Variants in ABTB2 observed in about 807,000 individuals in gnomAD.
ABTB2 encodes ankyrin repeat and BTB domain containing 2, also known as ankyrin repeat and BTB/POZ domain-containing protein 2.
A neutral mutation model predicts 104.1 loss-of-function variants in ABTB2; 56 were observed. The observed-to-expected ratio is 0.54, with a 90% CI of 0.43 to 0.67. The LOEUF (loss-of-function observed/expected upper bound fraction) is 0.67. Among genes scored for constraint, ABTB2 ranks in the 30% least tolerant of loss-of-function variants. The probability of loss-of-function intolerance (pLI) is 0.00; values close to 1 mark genes in which losing one functional copy is unlikely to be tolerated. For missense variants in ABTB2, 1,279 were observed against 1,407.7 expected (o/e 0.91, Z 1.46); for synonymous variants, 606 against 608.2 (o/e 1.00, Z 0.05).
Position 34,152,471 on chromosome 11 carries a change from T to G in ABTB2, c.2994A>C (p.Lys998Asn), listed in dbSNP as rs756102220. Reference sequence around the variant, plus strand: ...CCTGCAGTGGATCCAGGCCCTGCACTTTGCTGCTGCGGCCGTAGATGAGCT... The same window carrying G: ...CCTGCAGTGGATCCAGGCCCTGCACGTTGCTGCTGCGGCCGTAGATGAGCT... ...FRQLIYGRSS[K>N]VQGLDPLQDL... Residue 998 changes from lysine (K) to asparagine (N), a missense_variant, in exon 17 of 17, where the codon AAA becomes AAC. Transcript: ENST00000435224. 1.0e-5 allele frequency: 16 copies of G among 1,604,948 alleles called. No homozygotes were observed. Among genetic ancestry groups the G allele is most frequent in the Middle Eastern group, 2.0e-4 (1 of 4,956 alleles).
At chr11:34,199,435 C>T (rs1167749777) in intron 2 of ABTB2, among the ~76,000 whole-genome samples, 1 of 152,206 alleles carries the variant, frequency 6.6e-6, no homozygotes, top group African/African-American at 2.4e-5. Context: ...ACCTGGTTTC[C>T]ATCCCTGTGA....
At chr11:34,273,313 A>C (rs1286471858) in intron 1 of ABTB2, among the ~76,000 whole-genome samples, 1 of 152,132 alleles carries the variant, frequency 6.6e-6, no homozygotes, top group African/African-American at 2.4e-5. Flanking sequence ...GAATAAACCC[A>C]TGTTACAATT....
At chr11:34,345,904 A>G (rs147326094) in intron 1 of ABTB2, among the ~76,000 whole-genome samples, 3 of 152,300 alleles carry the variant, frequency 2.0e-5, no homozygotes, top group African/African-American at 7.2e-5. Context: ...AGATTTCATC[A>G]ATTTTCAACT....
rs79718145 is a variant in ABTB2, at chr11:34,159,836, G to C, written c.2606+70C>G. On this transcript the variant is annotated intron_variant, in intron 13 of 16. Transcript: ENST00000435224. ...GTACAGCCCCAGCGAGTCACTCTCT[G>C]TCACCTGGAATCTGAAACAAGGTGC... is the stretch of plus-strand genomic sequence containing the variant. The C allele has an allele frequency of 0.082, 105,439 of 1,282,016 alleles. 4,843 individuals carry two copies. The highest frequency in any genetic ancestry group is 0.11 in the Middle Eastern group (482 of 4,354). 79.4% of individuals were successfully genotyped at this position (1,282,016 alleles called of 1,614,324 possible). A position where few individuals can be genotyped will look rare whatever the true frequency, so the allele number is the denominator to read the frequency against.
intron 1 of ABTB2, among the ~76,000 whole-genome samples, chr11:34,269,642 C>G (rs1398654735): frequency 1.3e-5 from 2 of 152,248 alleles, no homozygotes; most frequent in Admixed American, 6.5e-5. Context: ...CATGTGTGGA[C>G]AGAGAAATTT....
At chr11:34,186,037 C>T (rs1427781723) in intron 3 of ABTB2, among the ~76,000 whole-genome samples, 2 of 152,252 alleles carry the variant, frequency 1.3e-5, no homozygotes, top group East Asian at 3.8e-4. Context: ...GCATGAAATG[C>T]TCTGAGCCCT....
intron 4 of ABTB2, among the ~76,000 whole-genome samples, chr11:34,172,038 G>A (rs996438594): frequency 6.6e-6 from 1 of 151,988 alleles, no homozygotes; most frequent in Non-Finnish European, 1.5e-5. Flanking sequence ...TCCGTATGAA[G>A]ACAGAGGAGG....
intron 1 of ABTB2, among the ~76,000 whole-genome samples, chr11:34,271,971 A>G (rs1565155876): frequency 6.6e-6 from 1 of 152,154 alleles, no homozygotes. Context: ...ACACATGGAA[A>G]TCAACATTTA....
In ABTB2 at chr11:34,198,162, C is replaced by T. The variant is rs72910890; in HGVS notation, c.1031-624G>A. On this transcript the variant is annotated intron_variant, in intron 2 of 16. Coordinates refer to ENST00000435224, the MANE Select transcript of ABTB2 (RefSeq NM_145804.3). ...GCTTATGGCTGGGCACAGTGGCTCA[C>T]GCTGTAATCCCAAGCCCTTGGGGAG... Among the ~76,000 whole-genome samples the T allele has an allele frequency of 6.0e-3, 918 of 152,290 alleles. 4 individuals are homozygous for T. The highest frequency in any genetic ancestry group is 0.02 in the Middle Eastern group (6 of 294).
At chr11:34,215,701 A>G (rs1381353460) in intron 1 of ABTB2, among the ~76,000 whole-genome samples, 1 of 152,222 alleles carries the variant, frequency 6.6e-6, no homozygotes, top group Non-Finnish European at 1.5e-5. Context: ...CATACTTCCT[A>G]ATTCACAAGA....
chr11:34,217,449 G>C (rs1206209783), intron 1 of ABTB2, among the ~76,000 whole-genome samples: 1 of 152,012 alleles, frequency 6.6e-6, no homozygotes, highest in Non-Finnish European at 1.5e-5. Context: ...TTTTTGTGTA[G>C]ATATAAGTTT....
rs554414493 is a variant in ABTB2, at chr11:34,186,675, G to C, written c.1244+10650C>G. Among the ~76,000 whole-genome samples, 387 of 152,328 alleles carry C rather than the reference G, an allele frequency of 2.5e-3. 4 individuals are homozygous for C. The highest frequency in any genetic ancestry group is 9.0e-3 in the African/African-American group (373 of 41,576). On this transcript the variant is annotated intron_variant, in intron 3 of 16. Transcript: ENST00000435224. ...AAGTCCCATGCAACAGCCAGCCCTG[G>C]GGGGTGCTTGTCAGAGGCCGGGCCA...
At position 34,214,528 on chromosome 11, in the gene ABTB2, A is replaced by G. The variant is rs1444344116; in HGVS notation, c.884-9838T>C. Reference sequence around the variant, plus strand: ...AAAGGAAAAAGTGAATGTTAAAAATACCACTTTTTTTTTTTTTTTTTTTTT... The same window carrying G: ...AAAGGAAAAAGTGAATGTTAAAAATGCCACTTTTTTTTTTTTTTTTTTTTT... On this transcript the variant is annotated intron_variant, in intron 1 of 16. Transcript: ENST00000435224. 1.4e-5 allele frequency among the ~76,000 whole-genome samples: 2 copies of G among 141,808 alleles called. 1 individual carries two copies. The highest frequency in any genetic ancestry group is 3.0e-5 in the Non-Finnish European group (2 of 67,128). The allele number at this position is 141,808 out of a possible 152,430, so 93.0% of individuals were successfully genotyped here.
At chr11:34,330,893 C>G (rs1016652238) in intron 1 of ABTB2, among the ~76,000 whole-genome samples, 2 of 152,224 alleles carry the variant, frequency 1.3e-5, no homozygotes, top group African/African-American at 2.4e-5. Context: ...GCTACATCTG[C>G]AAAAGTACAG....
At chr11:34,216,043 A>G (rs1853545743) in intron 1 of ABTB2, among the ~76,000 whole-genome samples, 1 of 152,214 alleles carries the variant, frequency 6.6e-6, no homozygotes. Context: ...TTACCTAATA[A>G]TACACCAGAA....
chr11:34,230,534 G>T (rs1706735479), intron 1 of ABTB2, among the ~76,000 whole-genome samples: 1 of 152,142 alleles, frequency 6.6e-6, no homozygotes, highest in South Asian at 2.1e-4. Context: ...GACATGGACG[G>T]GGAAGGCTCT....
intron 1 of ABTB2, among the ~76,000 whole-genome samples, chr11:34,340,484 G>T: frequency 6.6e-6 from 1 of 152,194 alleles, no homozygotes; most frequent in East Asian, 1.9e-4. Flanking sequence ...ATCTAGCCAA[G>T]TGACTGGGGG....
In ABTB2 at chr11:34,258,925, A is replaced by G. The variant is rs73495580; in HGVS notation, c.884-54235T>C. Among the ~76,000 whole-genome samples, 93 of 152,226 alleles carry G rather than the reference A, an allele frequency of 6.1e-4. 1 individual carries two copies. Among genetic ancestry groups the G allele is most frequent in the African/African-American group, 2.2e-3 (91 of 41,524 alleles). ...CAGAAGTGCCTGCTCTTGTTAGGGA[A>G]GTGTAGTACATATGCGTGTGGTAGT... is the stretch of plus-strand genomic sequence containing the variant. On this transcript the variant is annotated intron_variant, in intron 1 of 16. Coordinates refer to ENST00000435224, the MANE Select transcript of ABTB2 (RefSeq NM_145804.3).
In ABTB2 at chr11:34,234,810, T is replaced by C. The variant is rs1222578908; in HGVS notation, c.884-30120A>G. Among the ~76,000 whole-genome samples the C allele has an allele frequency of 3.3e-5, 5 of 152,162 alleles. No homozygotes were observed. In the East Asian group the frequency reaches 9.6e-4, roughly 29 times the overall value. ...GTTCTGCCACAGAAGAGGGCCCTTT[T>C]AGTTTCCCTGAAGCACTTATACAGA... is the stretch of plus-strand genomic sequence containing the variant. On this transcript the variant is annotated intron_variant, in intron 1 of 16. Coordinates refer to ENST00000435224, the MANE Select transcript of ABTB2 (RefSeq NM_145804.3).
Sources: gnomAD v4.1 joint callset for allele counts (sites outside exome capture counted in the v4.1 genomes callset) on GRCh38, gnomAD v4.1.1 for gene constraint, MANE v1.5 for transcripts, NCBI Gene and HGNC (gene_info 2026-07-23, HGNC 2026-07-21) for gene names.